Variants in NOX1 observed in about 807,000 individuals in gnomAD.
NOX1 encodes NADH/NADPH mitogenic oxidase subunit P65-MOX.
NOX1 carries 34 observed loss-of-function variants against 42.5 expected under a neutral mutation model. The ratio of observed to expected loss-of-function variants is 0.80; its 90% CI spans 0.61 to 1.07. NOX1 has a LOEUF of 1.07. NOX1 is among the 50% of genes least tolerant of loss of function. The probability of loss-of-function intolerance (pLI) is 0.00; values close to 1 mark genes in which losing one functional copy is unlikely to be tolerated. For missense variants in NOX1, 408 were observed against 427.0 expected (o/e 0.96, Z 0.39); for synonymous variants, 143 against 152.5 (o/e 0.94, Z 0.46).
In NOX1 at chrX:100,843,991, A is replaced by G. The variant is rs2085054160; in HGVS notation, c.1656T>C (p.Pro552=). Residue 552 remains proline, a synonymous_variant, in exon 13 of 13, where the codon CCT becomes CCC. Transcript: ENST00000372966. ...TGTTGAAGTAGAATTGAACCTTTCT[A>G]GGATCCAGACTGGAATATCGGTGAC... ...KCCHRYSSLD[P]RKVQFYFNKE... The G allele has an allele frequency of 8.3e-7, 1 of 1,207,154 alleles. No individual in the cohort carries two copies. Among genetic ancestry groups the G allele is most frequent in the African/African-American group, 1.7e-5 (1 of 57,735 alleles).
At chrX:100,866,305 T>C (rs2147918944) in intron 2 of NOX1, among the ~76,000 whole-genome samples, 1 of 111,706 alleles carries the variant, frequency 9.0e-6, no homozygotes, top group South Asian at 3.8e-4. Context: ...GATCCCTTTT[T>C]TGGTTAAAAC....
intron 2 of NOX1, among the ~76,000 whole-genome samples, chrX:100,870,442 A>T (rs191135241): frequency 1.8e-5 from 2 of 111,429 alleles, no homozygotes; most frequent in Admixed American, 1.9e-4. Context: ...GGGTTATCAG[A>T]TTTATTTAAT....
At chrX:100,865,104 C>T (rs1204718804) in intron 2 of NOX1, among the ~76,000 whole-genome samples, 2 of 112,026 alleles carry the variant, frequency 1.8e-5, no homozygotes, top group Non-Finnish European at 3.8e-5. Context: ...AAAAGCTGCC[C>T]TACTGTTTTC....
chrX:100,854,268 C>T (rs1353240761), intron 7 of NOX1, among the ~76,000 whole-genome samples: 1 of 111,955 alleles, frequency 8.9e-6, no homozygotes. Context: ...ATTTTCCAAA[C>T]TTTCTACAAT....
chrX:100,856,734 G>A (rs1038438388), intron 7 of NOX1, among the ~76,000 whole-genome samples: 1 of 109,939 alleles, frequency 9.1e-6, no homozygotes, highest in Non-Finnish European at 1.9e-5. Flanking sequence ...CACCATGCCC[G>A]GCTAATTTTT....
Position 100,874,311 on chromosome X carries a change from T to C in NOX1, c.-172A>G, listed in dbSNP as rs1361441194. On this transcript the variant is annotated 5_prime_UTR_variant, in exon 1 of 13. Coordinates refer to ENST00000372966, the MANE Select transcript of NOX1 (RefSeq NM_007052.5). Reference sequence around the variant, plus strand: ...TTCCTGGGAATGAATAAGTTTATTCTGCCTTCCTTCTCTGGACAGAACTGT... The same window carrying C: ...TTCCTGGGAATGAATAAGTTTATTCCGCCTTCCTTCTCTGGACAGAACTGT... 54 of 439,506 alleles carry C rather than the reference T, an allele frequency of 1.2e-4. No homozygotes were observed. Among genetic ancestry groups the C allele is most frequent in the Non-Finnish European group, 1.8e-4 (44 of 247,262 alleles). The allele number at this position is 439,506 out of a possible 1,213,427, so 36.2% of individuals were successfully genotyped here. A position where few individuals can be genotyped will look rare whatever the true frequency, so the allele number is the denominator to read the frequency against.
chrX:100,871,495 T>C (rs2085274284), intron 1 of NOX1, among the ~76,000 whole-genome samples: 1 of 112,644 alleles, frequency 8.9e-6, no homozygotes, highest in South Asian at 3.6e-4. Context: ...GCCTGCCTTT[T>C]TAATTACACC....
At chrX:100,864,998 T>C (rs1224727445) in intron 2 of NOX1, among the ~76,000 whole-genome samples, 2 of 112,580 alleles carry the variant, frequency 1.8e-5, no homozygotes, top group Non-Finnish European at 3.7e-5. Context: ...TTTCCTTATA[T>C]CGTAAACCCA....
intron 2 of NOX1, among the ~76,000 whole-genome samples, chrX:100,867,941 C>A (rs369310290): frequency 9.1e-6 from 1 of 110,454 alleles, no homozygotes. Context: ...ACTTATACCC[C>A]CTACATATGT....
At chrX:100,869,854 G>C (rs2085262401) in intron 2 of NOX1, among the ~76,000 whole-genome samples, 1 of 100,817 alleles carries the variant, frequency 9.9e-6, no homozygotes, top group Non-Finnish European at 2.0e-5. Flanking sequence ...CTAATTTATT[G>C]AGAGTTTTTA....
chrX:100,865,879 C>A (rs994063416), intron 2 of NOX1, among the ~76,000 whole-genome samples: 1 of 112,122 alleles, frequency 8.9e-6, no homozygotes, highest in Non-Finnish European at 1.9e-5. Flanking sequence ...GGCATTGCAA[C>A]CTGGTATGAG....
intron 1 of NOX1, among the ~76,000 whole-genome samples, chrX:100,872,224 C>T (rs746086740): frequency 1.6e-4 from 18 of 111,922 alleles, no homozygotes; most frequent in Non-Finnish European, 3.8e-5. Context: ...AAAAGAAAGT[C>T]AACAGTCACA....
Position 100,849,852 on chromosome X carries a change from C to CA in NOX1, c.1215dup (p.Gly406TrpfsTer85). 8.3e-7 allele frequency: 1 copy of CA among 1,211,125 alleles called. No individual in the cohort carries two copies. The highest frequency in any genetic ancestry group is 2.2e-5 in the Admixed American group (1 of 46,022). Reference sequence around the variant, plus strand: ...AAGATAGAAGCAAAGGGGGTGACCCCAATTCCTGCTCCAACCAGCACAGCC... The same window carrying CA: ...AAGATAGAAGCAAAGGGGGTGACCCCAAATTCCTGCTCCAACCAGCACAGCC... On this transcript the variant is annotated frameshift_variant, in exon 10 of 13. Transcript: ENST00000372966. LOFTEE classifies it high-confidence loss of function.
At chrX:100,848,242 G>A (rs1276249142) in intron 12 of NOX1, among the ~76,000 whole-genome samples, 1 of 111,061 alleles carries the variant, frequency 9.0e-6, no homozygotes, top group Non-Finnish European at 1.9e-5. Flanking sequence ...TTTCTTAAGA[G>A]TGTTCAACAT....
chrX:100,871,298 T>C (rs35754056), intron 1 of NOX1, among the ~76,000 whole-genome samples: 27 of 112,240 alleles, frequency 2.4e-4, no homozygotes, highest in African/African-American at 8.7e-4. Context: ...CCATATGGCT[T>C]GCAAAGCCTA....
chrX:100,868,826 T>C (rs2085255214), intron 2 of NOX1, among the ~76,000 whole-genome samples: 1 of 111,687 alleles, frequency 9.0e-6, no homozygotes, highest in Non-Finnish European at 1.9e-5. Context: ...CCATCTTGAA[T>C]TGATTTTTGT....
chrX:100,853,299 T>TC (rs1491547449), intron 7 of NOX1, among the ~76,000 whole-genome samples: 89 of 78,823 alleles, frequency 1.1e-3, no homozygotes, highest in African/African-American at 4.0e-3. Context: ...TCTTTCTTTC[T>TC]TTCTTTCTTT....
intron 9 of NOX1, 57 bp from the exon 10 acceptor site, chrX:100,849,991 A>G: frequency 9.2e-7 from 1 of 1,089,364 alleles, no homozygotes; most frequent in Non-Finnish European, 1.2e-6. Flanking sequence ...CTCCAACCTC[A>G]AACATCCTCC....
intron 2 of NOX1, among the ~76,000 whole-genome samples, chrX:100,864,050 C>T (rs1009859388): frequency 1.8e-5 from 2 of 112,008 alleles, no homozygotes; most frequent in South Asian, 3.8e-4. Context: ...AGTGCAGTGG[C>T]GAGATATCGG....
Sources: gnomAD v4.1 joint callset for allele counts (sites outside exome capture counted in the v4.1 genomes callset) on GRCh38, gnomAD v4.1.1 for gene constraint, MANE v1.5 for transcripts, NCBI Gene and HGNC (gene_info 2026-07-23, HGNC 2026-07-21) for gene names.